Variants in NRG1 observed in about 807,000 individuals in gnomAD.
NRG1 encodes neuregulin 1, also known as pro-neuregulin-1, membrane-bound isoform.
In NRG1, 18 loss-of-function variants were observed where a neutral mutation model predicts 63.8. That is an observed-to-expected ratio of 0.28 (90% CI 0.19 to 0.42). The LOEUF (loss-of-function observed/expected upper bound fraction) is 0.42, where lower values mean the gene tolerates loss of function less well. Ranked by LOEUF, NRG1 falls within the 10% of genes least tolerant of loss-of-function variation. The pLI, the probability that NRG1 is intolerant of heterozygous loss-of-function variation, is 1.00. For synonymous variants in NRG1, 302 were observed against 301.3 expected, an observed-to-expected ratio of 1.00 and a Z score of -0.02; for missense variants, 762 against 814.7, an observed-to-expected ratio of 0.94 and a Z score of 0.79.
At chr8:32,319,707 C>T (rs887230505) in intron 1 of NRG1, among the ~76,000 whole-genome samples, 3 of 151,808 alleles carry the variant, frequency 2.0e-5, no homozygotes, top group Middle Eastern at 3.4e-3. Context: ...AATTATTATA[C>T]CAAGAAAGGA....
rs533546958 is a variant in NRG1, at chr8:31,950,709, C to T, written c.37+311278C>T. ...ATTAATCTCTATCATCCTGTGTAAGCTAAACCCTAAATTACATAATATGTT... is the reference window on the plus strand; with the variant it reads ...ATTAATCTCTATCATCCTGTGTAAGTTAAACCCTAAATTACATAATATGTT... On this transcript the variant is annotated intron_variant, in intron 1 of 10. Transcript: ENST00000519301. Among the ~76,000 whole-genome samples the T allele has an allele frequency of 3.9e-5, 6 of 152,314 alleles. No homozygotes were observed. In the South Asian group the frequency reaches 1.2e-3, roughly 32 times the overall value.
chr8:31,796,430 T>C (rs1563412281), intron 1 of NRG1, among the ~76,000 whole-genome samples: 2 of 112,106 alleles, frequency 1.8e-5, no homozygotes, highest in Non-Finnish European at 3.6e-5. Context: ...TTTTTTTTTT[T>C]TTTTTTTTTT....
At chr8:32,760,844 T>A in intron 11 of NRG1, 1 of 1,004,964 alleles carries the variant, frequency 1.0e-6, no homozygotes, top group East Asian at 9.4e-5. Context: ...CTGCTAACCC[T>A]GTCTTACCTT....
intron 1 of NRG1, among the ~76,000 whole-genome samples, chr8:32,569,013 T>C (rs931111126): frequency 3.6e-4 from 54 of 152,102 alleles, no homozygotes; most frequent in African/African-American, 1.3e-3. Context: ...GTAAGTTACA[T>C]TGAAAGGCCG....
At chr8:31,902,208 A>C (rs760050028) in intron 1 of NRG1, among the ~76,000 whole-genome samples, 1 of 152,192 alleles carries the variant, frequency 6.6e-6, no homozygotes, top group Non-Finnish European at 1.5e-5. Flanking sequence ...GCTCTGTGGC[A>C]TTGAACTAAG....
intron 1 of NRG1, among the ~76,000 whole-genome samples, chr8:32,272,208 G>A (rs916753423): frequency 6.6e-6 from 1 of 152,158 alleles, no homozygotes; most frequent in Admixed American, 6.5e-5. Context: ...CCTGCATGGC[G>A]AGGGTTCTGG....
intron 1 of NRG1, among the ~76,000 whole-genome samples, chr8:32,506,164 G>A (rs1200769715): frequency 6.6e-6 from 1 of 152,298 alleles, no homozygotes; most frequent in South Asian, 2.1e-4. Context: ...CAGGATGATT[G>A]TTTGACCCTG....
At chr8:31,919,474 T>G (rs1833715551) in intron 1 of NRG1, among the ~76,000 whole-genome samples, 1 of 152,068 alleles carries the variant, frequency 6.6e-6, no homozygotes, top group Non-Finnish European at 1.5e-5. Context: ...TTGTATATTT[T>G]GAAAATGTGC....
intron 1 of NRG1, among the ~76,000 whole-genome samples, chr8:31,669,502 G>T (rs932564430): frequency 2.0e-5 from 3 of 152,100 alleles, no homozygotes; most frequent in African/African-American, 4.8e-5. Flanking sequence ...GTCTCCCAAA[G>T]TTCTGGGATT....
At chr8:31,779,232 C>T (rs1819444381) in intron 1 of NRG1, among the ~76,000 whole-genome samples, 1 of 152,048 alleles carries the variant, frequency 6.6e-6, no homozygotes, top group African/African-American at 2.4e-5. Context: ...AAATGAGATG[C>T]TATGTGTGCA....
chr8:32,420,789 C>T (rs781730409), intron 1 of NRG1, among the ~76,000 whole-genome samples: 3 of 152,166 alleles, frequency 2.0e-5, no homozygotes, highest in Non-Finnish European at 4.4e-5. Flanking sequence ...TATGTCTCCA[C>T]CCAAATCTCA....
chr8:32,123,702 T>A lies in NRG1; in HGVS notation c.38-472126T>A, dbSNP rs181011394. Among the ~76,000 whole-genome samples, 19 of 150,956 alleles carry A rather than the reference T, an allele frequency of 1.3e-4. 1 individual carries two copies. In the East Asian group the frequency reaches 3.7e-3, roughly 29 times the overall value. On this transcript the variant is annotated intron_variant, in intron 1 of 10. Coordinates refer to the NRG1 transcript ENST00000519301. Reference sequence around the variant, plus strand: ...TAATTTATTCTAAAAATTATATTTTTAAGTTAATTTATAACTTATTAAGTC... The same window carrying A: ...TAATTTATTCTAAAAATTATATTTTAAAGTTAATTTATAACTTATTAAGTC...
rs112587995 is a variant in NRG1, at chr8:32,639,159, A to G, written c.502+22274A>G. Among the ~76,000 whole-genome samples the G allele has an allele frequency of 3.1e-4, 47 of 152,214 alleles. 2 individuals are homozygous for G. Among genetic ancestry groups the G allele is most frequent in the African/African-American group, 1.1e-3 (45 of 41,526 alleles). Reference sequence around the variant, plus strand: ...GGTGGCTCATGCCTATAATCCTAGCACTTTGGGAGGCCGAGGTGGGCGGAT... The same window carrying G: ...GGTGGCTCATGCCTATAATCCTAGCGCTTTGGGAGGCCGAGGTGGGCGGAT... On this transcript the variant is annotated intron_variant, in intron 5 of 11. Transcript: ENST00000356819.
intron 1 of NRG1, among the ~76,000 whole-genome samples, chr8:32,501,824 A>T (rs1468712728): frequency 6.6e-6 from 1 of 152,184 alleles, no homozygotes; most frequent in African/African-American, 2.4e-5. Flanking sequence ...AACATTTCAT[A>T]ATCTCTTACC....
At chr8:32,760,333 C>T in exon 11 of NRG1, 6 of 1,613,990 alleles carry the variant, frequency 3.7e-6, no homozygotes, top group East Asian at 2.2e-5. Flanking sequence ...AGGAGGCCCT[C>T]GTGAATGTAA....
intron 1 of NRG1, among the ~76,000 whole-genome samples, chr8:31,740,821 T>C (rs1277036770): frequency 1.3e-5 from 2 of 151,914 alleles, no homozygotes; most frequent in Non-Finnish European, 2.9e-5. Context: ...GAACTCTGGG[T>C]GTTACTCTGA....
intron 1 of NRG1, among the ~76,000 whole-genome samples, chr8:31,970,836 C>T (rs1446240774): frequency 6.6e-6 from 1 of 152,060 alleles, no homozygotes; most frequent in African/African-American, 2.4e-5. Context: ...CAGCTGAAGG[C>T]TTAGCAATCA....
chr8:32,166,680 C>T (rs1217623205), intron 1 of NRG1, among the ~76,000 whole-genome samples: 1 of 152,188 alleles, frequency 6.6e-6, no homozygotes, highest in Non-Finnish European at 1.5e-5. Flanking sequence ...TCCAATTGAG[C>T]TGCTGTTGCT....
chr8:32,052,528 C>G (rs1822159001), intron 1 of NRG1, among the ~76,000 whole-genome samples: 1 of 152,030 alleles, frequency 6.6e-6, no homozygotes, highest in Non-Finnish European at 1.5e-5. Context: ...GTTATCCTCC[C>G]ACCTCTACGT....
Sources: allele counts gnomAD v4.1 joint callset (sites outside exome capture counted in the v4.1 genomes callset), GRCh38; gene constraint gnomAD v4.1.1; transcripts MANE v1.5; gene names NCBI Gene and HGNC (gene_info 2026-07-23, HGNC 2026-07-21).